The following HKDC1 variants were observed in gnomAD, a reference collection of about 807,000 sequenced individuals.
The protein encoded by HKDC1 is hexokinase HKDC1.
A neutral mutation model predicts 96.6 loss-of-function variants in HKDC1; 66 were observed. The ratio of observed to expected loss-of-function variants is 0.68; its 90% CI spans 0.56 to 0.84. The LOEUF (loss-of-function observed/expected upper bound fraction) is 0.84, where lower values mean the gene tolerates loss of function less well. HKDC1 is among the 40% of genes least tolerant of loss of function. The pLI is 0.00. For missense variants in HKDC1, 1,211 were observed against 1,208.1 expected (o/e 1.00, Z -0.04); for synonymous variants, 466 against 473.1 (o/e 0.98, Z 0.20).
chr10:69,252,669 G>C (rs1200746986), intron 12 of HKDC1, among the ~76,000 whole-genome samples: 1 of 146,428 alleles, frequency 6.8e-6, no homozygotes, highest in Non-Finnish European at 1.5e-5. Context: ...AAAAACTGTA[G>C]CCAGGCATGG....
chr10:69,251,770 T>G (rs1434121083), intron 12 of HKDC1, among the ~76,000 whole-genome samples: 1 of 151,776 alleles, frequency 6.6e-6, no homozygotes, highest in Non-Finnish European at 1.5e-5. Context: ...TTTCTTTTTT[T>G]TTTTTTTGAG....
chr10:69,247,353 T>C lies in HKDC1; in HGVS notation c.1032-7T>C. The stretch of plus-strand genomic sequence containing the variant: ...GTGTCGTTCACTCATTCCTGTCCCC[T>C]GGCCAGGTATAAAGAAGGCCTTGCT... On this transcript the variant is annotated splice_polypyrimidine_tract_variant and splice_region_variant and intron_variant, in intron 8 of 17. Coordinates refer to ENST00000354624, the MANE Select transcript of HKDC1 (RefSeq NM_025130.4). 1.3e-6 allele frequency: 2 copies of C among 1,597,728 alleles called. No homozygotes were observed. The highest frequency in any genetic ancestry group is 1.7e-6 in the Non-Finnish European group (2 of 1,164,886).
At chr10:69,256,893 G>A in intron 12 of HKDC1, 143 bp from the exon 13 acceptor site, 1 of 665,100 alleles carries the variant, frequency 1.5e-6, no homozygotes, top group South Asian at 1.7e-5. Flanking sequence ...CCCAGGGTTA[G>A]GGTTGTGGAG....
At chr10:69,241,651 T>C (rs565357841) in intron 6 of HKDC1, among the ~76,000 whole-genome samples, 41 of 152,142 alleles carry the variant, frequency 2.7e-4, no homozygotes, top group Non-Finnish European at 5.4e-4. Flanking sequence ...GGCTGGCCAA[T>C]TTTTTGTATT....
chr10:69,230,759 G>A (rs983765563), intron 2 of HKDC1, among the ~76,000 whole-genome samples: 2 of 152,182 alleles, frequency 1.3e-5, no homozygotes, highest in African/African-American at 4.8e-5. Context: ...GACTACAGGT[G>A]CATGCCACTA....
chr10:69,233,140 C>T lies in HKDC1; in HGVS notation c.495+7C>T, dbSNP rs372004758. The T allele has an allele frequency of 1.5e-5, 25 of 1,613,606 alleles. No homozygotes were observed. The East Asian group carries it at 4.2e-4, about 27-fold the overall frequency. The stretch of plus-strand genomic sequence containing the variant: ...ACAGACTAAACTGGAAGAGGTAAGG[C>T]GCGGAGGGAAGCAGCAGTGCAGGAA... On this transcript the variant is annotated splice_region_variant and intron_variant, in intron 4 of 17. Transcript: ENST00000354624.
Position 69,250,562 on chromosome 10 carries a change from C to A in HKDC1, c.1746C>A (p.Ala582=), listed in dbSNP as rs369512531. 23 of 1,613,960 alleles carry A rather than the reference C, an allele frequency of 1.4e-5. No homozygotes were observed. In the East Asian group the frequency reaches 4.5e-4, roughly 31 times the overall value. The stretch of plus-strand genomic sequence containing the variant: ...TTGATCACATTGTGCAGTGCATCGC[C>A]GACTTCCTGGACTACATGGGCCTCA... ...ELFDHIVQCI[A]DFLDYMGLKG... is the part of the protein sequence containing the mutation. Residue 582 remains alanine (A), a synonymous_variant, in exon 12 of 18, where the codon GCC becomes GCA. Coordinates refer to ENST00000354624, the MANE Select transcript of HKDC1 (RefSeq NM_025130.4).
intron 12 of HKDC1, among the ~76,000 whole-genome samples, chr10:69,252,904 A>G (rs1843665862): frequency 6.6e-6 from 1 of 151,716 alleles, no homozygotes; most frequent in South Asian, 2.1e-4. Context: ...GGAGGCCAAG[A>G]TGGGAGGATC....
intron 12 of HKDC1, among the ~76,000 whole-genome samples, chr10:69,255,030 A>T (rs1843697270): frequency 6.6e-6 from 1 of 152,220 alleles, no homozygotes; most frequent in African/African-American, 2.4e-5. Context: ...ATTAAAAATT[A>T]ATACACCATC....
chr10:69,222,527 C>G (rs1372113566), intron 1 of HKDC1, among the ~76,000 whole-genome samples: 1 of 152,194 alleles, frequency 6.6e-6, no homozygotes, highest in Non-Finnish European at 1.5e-5. Flanking sequence ...ATTCTGCAAA[C>G]TTATTTCATT....
chr10:69,258,864 G>T lies in HKDC1; in HGVS notation c.2121G>T (p.Glu707Asp). 6.2e-7 allele frequency: 1 copy of T among 1,613,626 alleles called. No homozygotes were observed. The highest frequency in any genetic ancestry group is 8.5e-7 in the Non-Finnish European group (1 of 1,179,856). ...AAGGGAAGATGTGCATCAATACAGA[G>T]TGGGGAGGATTTGGAGACAATGGCT... The part of the protein sequence containing the change: ...GGEGKMCINT[E>D]WGGFGDNGCI... The change falls in exon 15 of 18, where the codon GAG becomes GAT. Residue 707 changes from glutamate to aspartate, a missense_variant. Glu to Asp is a conservative substitution (Grantham distance 45). Coordinates refer to ENST00000354624, the MANE Select transcript of HKDC1 (RefSeq NM_025130.4).
intron 6 of HKDC1, among the ~76,000 whole-genome samples, chr10:69,241,900 A>G (rs1486375712): frequency 2.0e-5 from 3 of 152,200 alleles, no homozygotes; most frequent in Non-Finnish European, 4.4e-5. Flanking sequence ...GGCAAGGTGC[A>G]CTGCAGCTGT....
intron 7 of HKDC1, among the ~76,000 whole-genome samples, chr10:69,243,578 C>A (rs1843490652): frequency 6.7e-6 from 1 of 149,398 alleles, no homozygotes; most frequent in African/African-American, 2.5e-5. Flanking sequence ...CTCGCTGCAA[C>A]CTCCACCTTC....
Position 69,266,827 on chromosome 10 carries a change from A to T in HKDC1, c.*70A>T. 1 of 1,508,922 alleles carries T rather than the reference A, an allele frequency of 6.6e-7. No individual in the cohort carries two copies. 93.5% of individuals were successfully genotyped at this position (1,508,922 alleles called of 1,614,324 possible). ...TTTTCCTCTGGCAGATCAGTTGGTC[A>T]GAGACCAATGGGCACCCTCCTGGCT... On this transcript the variant is annotated 3_prime_UTR_variant, in exon 18 of 18. Transcript: ENST00000354624.
chr10:69,234,879 G>A (rs1018864676), intron 4 of HKDC1, among the ~76,000 whole-genome samples: 3 of 152,358 alleles, frequency 2.0e-5, no homozygotes, highest in South Asian at 2.1e-4. Flanking sequence ...TGATTCCATC[G>A]TGGGAATTTG....
chr10:69,226,085 G>C (rs1843151468), intron 1 of HKDC1: 2 of 152,236 alleles, frequency 1.3e-5, no homozygotes, highest in Admixed American at 1.3e-4. Context: ...ATCCATCCCA[G>C]TGAGCCCGGG....
rs35748446 is a variant in HKDC1 at position 69,257,685 on chromosome 10, TGG to T, written c.2032+267_2032+268del. Among the ~76,000 whole-genome samples, 1,331 of 150,664 alleles carry T rather than the reference TGG, an allele frequency of 8.8e-3. 19 individuals carry two copies. The highest frequency in any genetic ancestry group is 0.028 in the African/African-American group (1,148 of 41,042). On this transcript the variant is annotated intron_variant, in intron 14 of 17. Coordinates refer to ENST00000354624, the MANE Select transcript of HKDC1 (RefSeq NM_025130.4). ...ATAAGGACCTTGGGGCCAATTGTCA[TGG>T]GGGGGGGAAGGAGACTACAGTTGGA...
intron 15 of HKDC1, 148 bp from the exon 16 acceptor site, chr10:69,260,991 C>T (rs1160224340): frequency 1.9e-5 from 12 of 623,310 alleles, no homozygotes; most frequent in Middle Eastern, 4.4e-4. Flanking sequence ...TGATAGCTTG[C>T]AGTGCTTGCT....
At chr10:69,226,604 G>A (rs528391417) in intron 1 of HKDC1, among the ~76,000 whole-genome samples, 36 of 151,746 alleles carry the variant, frequency 2.4e-4, no homozygotes, top group South Asian at 6.3e-4. Context: ...GCAGTGAGCC[G>A]AGATCTCATC....
Sources: allele counts gnomAD v4.1 joint callset (sites outside exome capture counted in the v4.1 genomes callset), GRCh38; gene constraint gnomAD v4.1.1; transcripts MANE v1.5; gene names NCBI Gene and HGNC (gene_info 2026-07-23, HGNC 2026-07-21).